The following ICE1 variants were observed in gnomAD, a reference collection of about 807,000 sequenced individuals.
ICE1 encodes the protein little elongation complex subunit 1.
A neutral mutation model predicts 192.7 loss-of-function variants in ICE1; 64 were observed. That is an observed-to-expected ratio of 0.33 (90% CI 0.27 to 0.41). The LOEUF (loss-of-function observed/expected upper bound fraction) is 0.41, where lower values mean the gene tolerates loss of function less well. ICE1 is among the 10% of genes least tolerant of loss of function. The pLI is 1.00. For synonymous variants in ICE1, 1,010 were observed against 984.5 expected (o/e 1.03, Z -0.49); for missense variants, 2,708 against 2,696.0 (o/e 1.00, Z -0.10).
At chr5:5,478,907 G>A (rs1326933115) in intron 17 of ICE1, among the ~76,000 whole-genome samples, 1 of 152,164 alleles carries the variant, frequency 6.6e-6, no homozygotes, top group Non-Finnish European at 1.5e-5. Context: ...GCATAAAACT[G>A]AAATTGGACC....
At chr5:5,443,476 G>A (rs1278374308) in intron 6 of ICE1, among the ~76,000 whole-genome samples, 1 of 152,036 alleles carries the variant, frequency 6.6e-6, no homozygotes, top group East Asian at 1.9e-4. Context: ...ATGTTAAAGG[G>A]CTGCACAAAG....
intron 11 of ICE1, 65 bp from the exon 12 acceptor site, chr5:5,457,266 CT>C (rs200377078): frequency 0.092 from 82,517 of 895,594 alleles, 5 homozygotes; most frequent in South Asian, 0.13. Flanking sequence ...TTCTTTCTTT[CT>C]TTTTTTTTTT....
At chr5:5,427,603 G>A (rs1328934196) in intron 1 of ICE1, among the ~76,000 whole-genome samples, 3 of 152,302 alleles carry the variant, frequency 2.0e-5, no homozygotes, top group East Asian at 1.9e-4. Context: ...CCATAAACTT[G>A]TGCTGGACTC....
At chr5:5,446,953 TTA>T (rs977763897) in intron 7 of ICE1, among the ~76,000 whole-genome samples, 1 of 152,202 alleles carries the variant, frequency 6.6e-6, no homozygotes, top group African/African-American at 2.4e-5. Context: ...GTCCTAGGGA[TTA>T]TGTTTAGCTA....
chr5:5,476,425 T>C (rs966716417), intron 17 of ICE1, among the ~76,000 whole-genome samples: 1 of 152,200 alleles, frequency 6.6e-6, no homozygotes, highest in African/African-American at 2.4e-5. Context: ...TATTAAGCCA[T>C]TCTTGCATTG....
chr5:5,439,624 T>C (rs1442973274), intron 3 of ICE1, among the ~76,000 whole-genome samples: 1 of 152,198 alleles, frequency 6.6e-6, no homozygotes. Flanking sequence ...TTGTCTTTCT[T>C]TTAATTCTGA....
intron 10 of ICE1, among the ~76,000 whole-genome samples, chr5:5,453,932 G>A (rs1738506216): frequency 6.6e-6 from 1 of 152,122 alleles, no homozygotes; most frequent in Non-Finnish European, 1.5e-5. Flanking sequence ...CCTTATAAAA[G>A]TATGTGCTTC....
intron 1 of ICE1, among the ~76,000 whole-genome samples, chr5:5,430,834 T>C (rs180683035): frequency 6.6e-6 from 1 of 152,354 alleles, no homozygotes; most frequent in Admixed American, 6.5e-5. Flanking sequence ...TTCTGCATGG[T>C]TTCTTGTTTT....
rs754646598 is a variant in ICE1, at chr5:5,463,547, G to A, written c.4213G>A (p.Val1405Ile). 6.2e-6 allele frequency: 10 copies of A among 1,613,902 alleles called. No individual in the cohort carries two copies. The highest frequency in any genetic ancestry group is 4.5e-5 in the East Asian group (2 of 44,884). Residue 1405 changes from valine (V) to isoleucine (I), a missense_variant, in exon 13 of 19, where the codon GTT (valine) becomes ATT (isoleucine). This residue lies in a region of ICE1 where 2,366 missense variants were observed against 2,276.6 expected (regional missense o/e 1.04). Transcript: ENST00000296564. Reference sequence around the variant, plus strand: ...TCAGATAGCAACAGTGACCTCAGAAGTTATAAACGTACTTATAAATAAGGA... The same window carrying A: ...TCAGATAGCAACAGTGACCTCAGAAATTATAAACGTACTTATAAATAAGGA... ...QCQIATVTSE[V>I]INVLINKDQN...
rs1737347880 is a variant in ICE1, at chr5:5,422,843, C to T, written c.-73C>T. ...TGGCAGGCGGCGGCCCCGGCGGCAT[C>T]AGCAGAGACAGGACGGGGCCGACGC... On this transcript the variant is annotated 5_prime_UTR_variant, in exon 1 of 19. It introduces an in-frame stop codon into an upstream open reading frame of the 5' UTR. Coordinates refer to ENST00000296564, the MANE Select transcript of ICE1 (RefSeq NM_015325.3). 8.9e-7 allele frequency: 1 copy of T among 1,128,416 alleles called. No homozygotes were observed. Among genetic ancestry groups the T allele is most frequent in the Non-Finnish European group, 1.1e-6 (1 of 893,026 alleles). 69.9% of individuals were successfully genotyped at this position (1,128,416 alleles called of 1,614,324 possible).
At chr5:5,425,778 G>A (rs1737501162) in intron 1 of ICE1, among the ~76,000 whole-genome samples, 1 of 152,056 alleles carries the variant, frequency 6.6e-6, no homozygotes, top group African/African-American at 2.4e-5. Context: ...ATTGAAGGGG[G>A]GTGCAACTAG....
chr5:5,453,635 T>C (rs920635507), intron 10 of ICE1, among the ~76,000 whole-genome samples: 3 of 152,176 alleles, frequency 2.0e-5, no homozygotes, highest in Admixed American at 2.0e-4. Context: ...TAAGCTACTT[T>C]TAGTTGAATT....
chr5:5,464,108 G>A lies in ICE1; in HGVS notation c.4774G>A (p.Ala1592Thr). The A allele has an allele frequency of 1.2e-6, 2 of 1,613,456 alleles. No homozygotes were observed. The highest frequency in any genetic ancestry group is 1.7e-6 in the Non-Finnish European group (2 of 1,179,884). The change falls in exon 13 of 19, where the codon GCT (alanine) becomes ACT (threonine). Residue 1592 changes from alanine (A) to threonine (T), a missense_variant. Ala to Thr is a moderately conservative substitution (Grantham distance 58). Coordinates refer to ENST00000296564, the MANE Select transcript of ICE1 (RefSeq NM_015325.3). The surrounding 1 kb of genome is among the most constrained non-coding windows in gnomAD (Gnocchi z 4.0). ...TGCTCAGTCATTTTCAGGGGAAAAA[G>A]CTAATACAAAAACTCAAAGAAGCCA... ...EVAQSFSGEKANTKTQRSQTQ... is the reference protein window; with the variant it reads ...EVAQSFSGEKTNTKTQRSQTQ...
chr5:5,431,946 CCTT>C (rs1191086581), intron 1 of ICE1, among the ~76,000 whole-genome samples: 1 of 151,196 alleles, frequency 6.6e-6, no homozygotes, highest in Non-Finnish European at 1.5e-5. Flanking sequence ...TATTTATTTT[CCTT>C]CTTTCTCGTG....
chr5:5,478,400 C>A (rs1021413036), intron 17 of ICE1, among the ~76,000 whole-genome samples: 3 of 152,252 alleles, frequency 2.0e-5, no homozygotes, highest in Middle Eastern at 3.4e-3. Context: ...ATAAAACTTA[C>A]AAGGGATGTG....
chr5:5,471,885 A>G (rs1213366834), intron 15 of ICE1, among the ~76,000 whole-genome samples: 4 of 152,128 alleles, frequency 2.6e-5, no homozygotes, highest in African/African-American at 9.7e-5. Flanking sequence ...TTTCTGGTGG[A>G]GGTGATAAAA....
At chr5:5,434,244 C>T (rs1737804462) in intron 1 of ICE1, among the ~76,000 whole-genome samples, 1 of 151,834 alleles carries the variant, frequency 6.6e-6, no homozygotes, top group Non-Finnish European at 1.5e-5. Flanking sequence ...ATTTAATTAA[C>T]TAATTCCAAC....
At chr5:5,428,716 G>T (rs755952275) in intron 1 of ICE1, among the ~76,000 whole-genome samples, 1 of 152,144 alleles carries the variant, frequency 6.6e-6, no homozygotes, top group African/African-American at 2.4e-5. Flanking sequence ...GACCTATTCA[G>T]ATTTTGCTTG....
intron 3 of ICE1, among the ~76,000 whole-genome samples, chr5:5,438,760 T>C (rs1466612125): frequency 1.3e-5 from 2 of 152,234 alleles, no homozygotes; most frequent in Admixed American, 6.5e-5. Context: ...ACAAAAATTA[T>C]CAGAATCCTT....
Sources: gnomAD v4.1 joint callset for allele counts (sites outside exome capture counted in the v4.1 genomes callset) on GRCh38, gnomAD v4.1.1 for gene constraint, gnomAD v4.1.1 regional missense constraint, Gnocchi (gnomAD v3.1) non-coding constraint, MANE v1.5 for transcripts, NCBI Gene and HGNC (gene_info 2026-07-23, HGNC 2026-07-21) for gene names.